Variants in TXNDC12 observed in about 807,000 individuals in gnomAD.
TXNDC12 encodes the protein thioredoxin domain containing 12, also known as thioredoxin domain-containing protein 12.
A neutral mutation model predicts 24.2 loss-of-function variants in TXNDC12; 22 were observed. That is an observed-to-expected ratio of 0.91 (90% confidence interval 0.65 to 1.30). The LOEUF (loss-of-function observed/expected upper bound fraction) is 1.30, where lower values mean the gene tolerates loss of function less well. Among genes scored for constraint, TXNDC12 ranks in the 50% most tolerant of loss-of-function variants. TXNDC12 has a pLI of 0.00. For synonymous variants in TXNDC12, 58 were observed against 73.4 expected, an observed-to-expected ratio of 0.79 and a Z score of 1.07; for missense variants, 184 against 205.8, an observed-to-expected ratio of 0.89 and a Z score of 0.65.
intron 1 of TXNDC12, chr1:52,051,836 A>G (rs1686211500): frequency 1.2e-5 from 2 of 169,322 alleles, no homozygotes; most frequent in Admixed American, 1.3e-4. Flanking sequence ...GACTTTCAGC[A>G]ACCATTGCCT....
At chr1:52,054,897 C>T (rs1383757394) in intron 1 of TXNDC12, 103 bp downstream of exon 1, 1 of 868,728 alleles carries the variant, frequency 1.2e-6, no homozygotes, top group Admixed American at 2.2e-5. Context: ...CTGGAGTGGC[C>T]TAAGAGTTAG....
intron 2 of TXNDC12, chr1:52,034,054 A>C: frequency 1.5e-6 from 2 of 1,336,394 alleles, no homozygotes; most frequent in African/African-American, 1.5e-5. Flanking sequence ...AATAAGGCCT[A>C]AGGGGCATTA....
In TXNDC12 at chr1:52,037,246, CTT is replaced by C. The variant is rs561824817; in HGVS notation, c.158+4289_158+4290del. On this transcript the variant is annotated intron_variant, in intron 2 of 6. Coordinates refer to ENST00000371626, the MANE Select transcript of TXNDC12 (RefSeq NM_015913.4). ...TTTTTTTTTGAGACAGAATTTCACT[CTT>C]GTTGCCTAGGCTGGAATGCAATGGC... 1.6e-3 allele frequency among the ~76,000 whole-genome samples: 205 copies of C among 130,838 alleles called. 1 individual carries two copies. The highest frequency in any genetic ancestry group is 2.6e-3 in the Non-Finnish European group (166 of 63,960). The allele number at this position is 130,838 out of a possible 152,430, so 85.8% of individuals were successfully genotyped here. A position where few individuals can be genotyped will look rare whatever the true frequency, so the allele number is the denominator to read the frequency against.
Position 52,020,547 on chromosome 1 carries a change from A to G in TXNDC12, c.*386T>C, listed in dbSNP as rs1165242120. 1.2e-5 allele frequency: 3 copies of G among 258,088 alleles called. No individual in the cohort carries two copies. The highest frequency in any genetic ancestry group is 2.2e-5 in the Non-Finnish European group (3 of 135,338). The allele number at this position is 258,088 out of a possible 1,614,324, so 16.0% of individuals were successfully genotyped here. A position where few individuals can be genotyped will look rare whatever the true frequency, so the allele number is the denominator to read the frequency against. ...TACTTCTGCAATTTTAACGTTGTAG[A>G]AAAGATGCTACTAGTCTCCTTTCAC... is the stretch of plus-strand genomic sequence containing the variant. On this transcript the variant is annotated 3_prime_UTR_variant, in exon 7 of 7. Transcript: ENST00000371626.
chr1:52,041,612 CT>C lies in TXNDC12; in HGVS notation c.98-16del. The stretch of plus-strand genomic sequence containing the variant: ...ATCTCCAAAACCTGGAAGGAAAGAA[CT>C]TTATAAGCATTCACATAATGAACAA... On this transcript the variant is annotated splice_polypyrimidine_tract_variant and intron_variant, in intron 1 of 6. Coordinates refer to ENST00000371626, the MANE Select transcript of TXNDC12 (RefSeq NM_015913.4). 6.3e-7 allele frequency: 1 copy of C among 1,590,152 alleles called. No individual in the cohort carries two copies. Among genetic ancestry groups the C allele is most frequent in the Non-Finnish European group, 8.6e-7 (1 of 1,161,274 alleles).
intron 2 of TXNDC12, chr1:52,033,355 G>A: frequency 6.2e-7 from 1 of 1,613,708 alleles, no homozygotes; most frequent in Non-Finnish European, 8.5e-7. Flanking sequence ...CTCAGCGCGT[G>A]GCCGCCAACT....
chr1:52,038,062 GAAC>G (rs1301478398), intron 2 of TXNDC12, among the ~76,000 whole-genome samples: 1 of 152,000 alleles, frequency 6.6e-6, no homozygotes, highest in Non-Finnish European at 1.5e-5. Context: ...TGAGTAGCAG[GAAC>G]AACAGGTGTG....
chr1:52,037,115 G>T (rs1685896051), intron 2 of TXNDC12, among the ~76,000 whole-genome samples: 1 of 151,920 alleles, frequency 6.6e-6, no homozygotes, highest in Non-Finnish European at 1.5e-5. Flanking sequence ...CTGTTTTCTA[G>T]AGAGTACTGT....
At chr1:52,033,159 A>C in intron 2 of TXNDC12, 1 of 1,614,212 alleles carries the variant, frequency 6.2e-7, no homozygotes, top group Non-Finnish European at 8.5e-7. Flanking sequence ...AGTAAAAGGC[A>C]CCGGACCCAT....
intron 2 of TXNDC12, among the ~76,000 whole-genome samples, chr1:52,040,388 T>C (rs919859881): frequency 4.6e-5 from 7 of 151,898 alleles, no homozygotes; most frequent in African/African-American, 1.7e-4. Flanking sequence ...GGTTTCACCA[T>C]GTTGCCCAGA....
chr1:52,024,949 A>G (rs1685651816), intron 4 of TXNDC12, among the ~76,000 whole-genome samples: 1 of 152,160 alleles, frequency 6.6e-6, no homozygotes, highest in African/African-American at 2.4e-5. Context: ...TCTATTTAAA[A>G]CCACAGTCAT....
rs1685685157 is a variant in TXNDC12, at chr1:52,027,350, TG to T, written c.212-3del. 4.3e-6 allele frequency: 7 copies of T among 1,610,260 alleles called. No homozygotes were observed. Among genetic ancestry groups the T allele is most frequent in the East Asian group, 2.2e-5 (1 of 44,812 alleles). On this transcript the variant is annotated splice_polypyrimidine_tract_variant and splice_region_variant and intron_variant, in intron 3 of 6. Coordinates refer to ENST00000371626, the MANE Select transcript of TXNDC12 (RefSeq NM_015913.4). ...ATTCTGCAAATTTGGGCTTTAGAGC[TG>T]GGGGGAAAAAGATTTTGGAATAGAA...
Position 52,041,604 on chromosome 1 carries a change from GGAAA to G in TXNDC12, c.98-11_98-8del, listed in dbSNP as rs1307301554. 1.9e-6 allele frequency: 3 copies of G among 1,602,642 alleles called. No homozygotes were observed. The highest frequency in any genetic ancestry group is 2.6e-6 in the Non-Finnish European group (3 of 1,172,524). The stretch of plus-strand genomic sequence containing the variant: ...TGAATATGATCTCCAAAACCTGGAA[GGAAA>G]GAACTTTATAAGCATTCACATAATG... On this transcript the variant is annotated splice_polypyrimidine_tract_variant and splice_region_variant and intron_variant, in intron 1 of 6. Coordinates refer to ENST00000371626, the MANE Select transcript of TXNDC12 (RefSeq NM_015913.4).
chr1:52,047,218 G>T (rs901486373), intron 1 of TXNDC12, among the ~76,000 whole-genome samples: 1 of 152,126 alleles, frequency 6.6e-6, no homozygotes, highest in Non-Finnish European at 1.5e-5. Context: ...GCCTTTGCTA[G>T]GAATAATGAT....
At chr1:52,051,505 A>G (rs1368319739) in intron 1 of TXNDC12, among the ~76,000 whole-genome samples, 1 of 152,124 alleles carries the variant, frequency 6.6e-6, no homozygotes, top group Non-Finnish European at 1.5e-5. Flanking sequence ...CCTCCCGAGT[A>G]GCTAGGATTA....
At chr1:52,028,528 A>G (rs1685706805) in intron 3 of TXNDC12, 50 bp downstream of exon 3, 2 of 1,474,762 alleles carry the variant, frequency 1.4e-6, no homozygotes, top group East Asian at 4.6e-5. Flanking sequence ...AAATGTTAAT[A>G]TTTAACAACA....
chr1:52,038,937 G>A (rs1466881509), intron 2 of TXNDC12, among the ~76,000 whole-genome samples: 2 of 122,812 alleles, frequency 1.6e-5, no homozygotes, highest in South Asian at 2.5e-4. Flanking sequence ...TGGTCCTTAC[G>A]CTGGATTTAT....
At position 52,020,527 on chromosome 1, in the gene TXNDC12, C is replaced by G. The variant is rs774288335; in HGVS notation, c.*406G>C. 4.1e-6 allele frequency: 1 copy of G among 244,308 alleles called. No homozygotes were observed. Among genetic ancestry groups the G allele is most frequent in the Non-Finnish European group, 7.9e-6 (1 of 126,418 alleles). 15.1% of individuals were successfully genotyped at this position (244,308 alleles called of 1,614,324 possible). A position where few individuals can be genotyped will look rare whatever the true frequency, so the allele number is the denominator to read the frequency against. Reference sequence around the variant, plus strand: ...GTTGTTTTTTAATGATAAGCTACTTCTGCAATTTTAACGTTGTAGAAAAGA... The same window carrying G: ...GTTGTTTTTTAATGATAAGCTACTTGTGCAATTTTAACGTTGTAGAAAAGA... On this transcript the variant is annotated 3_prime_UTR_variant, in exon 7 of 7. Transcript: ENST00000371626.
intron 6 of TXNDC12, 127 bp from the exon 7 acceptor site, chr1:52,021,139 G>A: frequency 1.5e-6 from 1 of 688,878 alleles, no homozygotes; most frequent in Non-Finnish European, 2.5e-6. Context: ...TCAAGATCTA[G>A]CTCTGGATTT....
Sources: allele counts gnomAD v4.1 joint callset (sites outside exome capture counted in the v4.1 genomes callset), GRCh38; gene constraint gnomAD v4.1.1; transcripts MANE v1.5; gene names NCBI Gene and HGNC (gene_info 2026-07-23, HGNC 2026-07-21).